The following DST variants were observed in gnomAD, a reference collection of about 807,000 sequenced individuals.
DST encodes the protein bullous pemphigoid antigen.
In DST, 253 loss-of-function variants were observed where a neutral mutation model predicts 875.2. The observed-to-expected ratio is 0.29, with a 90% CI of 0.26 to 0.32. DST has a LOEUF of 0.32. Among genes scored for constraint, DST ranks in the 10% least tolerant of loss-of-function variants. DST has a pLI of 1.00. For missense variants in DST, 8,287 were observed against 9,111.6 expected, an observed-to-expected ratio of 0.91 and a Z score of 3.68; for synonymous variants, 3,124 against 3,197.1, an observed-to-expected ratio of 0.98 and a Z score of 0.77.
Position 56,747,656 on chromosome 6 carries a change from A to G in DST, c.626-12367T>C, listed in dbSNP as rs1214724482. 2.0e-5 allele frequency among the ~76,000 whole-genome samples: 3 copies of G among 152,234 alleles called. No homozygotes were observed. The East Asian group carries it at 5.8e-4, about 29-fold the overall frequency. ...TGTAACATGCTAACCTTAAGAAATTAGACTTTTTTAAAAGGTTTTCACTAT... is the reference window on the plus strand; with the variant it reads ...TGTAACATGCTAACCTTAAGAAATTGGACTTTTTTAAAAGGTTTTCACTAT... On this transcript the variant is annotated intron_variant, in intron 4 of 103. Coordinates refer to ENST00000680361, the MANE Select transcript of DST (RefSeq NM_001374736.1).
At chr6:56,793,378 G>A (rs1458758702) in intron 4 of DST, among the ~76,000 whole-genome samples, 1 of 152,140 alleles carries the variant, frequency 6.6e-6, no homozygotes, top group Non-Finnish European at 1.5e-5. Context: ...AAAAAAAACT[G>A]AGAAAGCACA....
intron 4 of DST, among the ~76,000 whole-genome samples, chr6:56,772,989 T>C (rs1190620965): frequency 2.6e-5 from 4 of 152,112 alleles, no homozygotes; most frequent in African/African-American, 4.8e-5. Flanking sequence ...CATGCTGTCA[T>C]GTGGTGAGCA....
rs2097913423 is a variant in DST, at chr6:56,578,715, C to T, written c.13027+99G>A. 2.4e-6 allele frequency: 3 copies of T among 1,254,892 alleles called. No homozygotes were observed. In the African/African-American group the frequency reaches 4.5e-5, roughly 19 times the overall value. 77.7% of individuals were successfully genotyped at this position (1,254,892 alleles called of 1,614,324 possible). A position where few individuals can be genotyped will look rare whatever the true frequency, so the allele number is the denominator to read the frequency against. On this transcript the variant is annotated intron_variant, in intron 50 of 103. Coordinates refer to ENST00000680361, the MANE Select transcript of DST (RefSeq NM_001374736.1). ...TTTCACAGAGAAAGAGCACATAGAA[C>T]ACAATCTATAACTAGTGAACATTTT...
chr6:56,528,404 G>A (rs2096838527), intron 67 of DST, among the ~76,000 whole-genome samples: 1 of 152,164 alleles, frequency 6.6e-6, no homozygotes, highest in South Asian at 2.1e-4. Flanking sequence ...ACTAAACTAT[G>A]TATCAGTTTT....
At chr6:56,588,435 T>C (rs2098206159) in intron 49 of DST, among the ~76,000 whole-genome samples, 1 of 152,188 alleles carries the variant, frequency 6.6e-6, no homozygotes, top group South Asian at 2.1e-4. Flanking sequence ...CACTCCTAGC[T>C]TTAGTAAGTA....
At chr6:56,633,995 A>T in intron 27 of DST, 137 bp downstream of exon 27, 1 of 1,057,202 alleles carries the variant, frequency 9.5e-7, no homozygotes, top group Non-Finnish European at 1.4e-6. Flanking sequence ...TATAACAAAT[A>T]TTCATTGAAT....
At chr6:56,490,752 A>G (rs1039562504) in intron 85 of DST, among the ~76,000 whole-genome samples, 1 of 152,194 alleles carries the variant, frequency 6.6e-6, no homozygotes, top group African/African-American at 2.4e-5. Flanking sequence ...GTTTGACTCC[A>G]AATAATACAG....
chr6:56,888,098 G>A (rs1047030626), intron 3 of DST, among the ~76,000 whole-genome samples: 5 of 151,736 alleles, frequency 3.3e-5, no homozygotes, highest in Admixed American at 2.6e-4. Flanking sequence ...CTACAGGCAC[G>A]TGCCACCATG....
At chr6:56,461,061 T>C (rs1263001190) in intron 102 of DST, 1 of 152,182 alleles carries the variant, frequency 6.6e-6, no homozygotes, top group Non-Finnish European at 1.5e-5. Context: ...TGTAATATAA[T>C]ATTCCTCAAT....
At chr6:56,658,947 G>GTT (rs1393266644) in intron 10 of DST, among the ~76,000 whole-genome samples, 3 of 152,220 alleles carry the variant, frequency 2.0e-5, no homozygotes, top group Non-Finnish European at 4.4e-5. Flanking sequence ...GGGGAACATG[G>GTT]TAAGACATGG....
intron 48 of DST, among the ~76,000 whole-genome samples, chr6:56,593,059 A>G (rs1359110366): frequency 1.3e-5 from 2 of 152,202 alleles, no homozygotes; most frequent in African/African-American, 2.4e-5. Context: ...GGCTGCAAGC[A>G]TCTGTTTTTG....
At chr6:56,736,114 C>A (rs981860991) in intron 4 of DST, among the ~76,000 whole-genome samples, 1 of 151,852 alleles carries the variant, frequency 6.6e-6, no homozygotes, top group Non-Finnish European at 1.5e-5. Context: ...GGTCTCGAAC[C>A]CCTGACTTCA....
chr6:56,594,885 T>C (rs1239684682), intron 47 of DST, among the ~76,000 whole-genome samples: 5 of 152,218 alleles, frequency 3.3e-5, no homozygotes, highest in East Asian at 1.9e-4. Context: ...GAGCTGGGCA[T>C]GTGCCAGAAA....
chr6:56,474,755 T>C (rs1446421654), intron 92 of DST, among the ~76,000 whole-genome samples: 1 of 151,914 alleles, frequency 6.6e-6, no homozygotes. Context: ...TTTGAAATAT[T>C]TAAGATGGCT....
At chr6:56,470,339 C>T (rs1484960167) in intron 95 of DST, 57 bp from the exon 96 acceptor site, 8 of 1,364,110 alleles carry the variant, frequency 5.9e-6, no homozygotes, top group Non-Finnish European at 7.9e-6. Context: ...TCAAGACATT[C>T]TCAATTGCAC....
chr6:56,796,388 G>C (rs146577988), intron 4 of DST, among the ~76,000 whole-genome samples: 2 of 152,202 alleles, frequency 1.3e-5, no homozygotes, highest in Non-Finnish European at 2.9e-5. Flanking sequence ...AATGAATGTG[G>C]TAACTACATT....
At chr6:56,909,176 G>C (rs1219074888) in intron 2 of DST, among the ~76,000 whole-genome samples, 1 of 152,110 alleles carries the variant, frequency 6.6e-6, no homozygotes, top group Non-Finnish European at 1.5e-5. Context: ...TACCTATGCT[G>C]CTGTCAAAAA....
chr6:56,878,189 A>C (rs1780379747), intron 3 of DST, among the ~76,000 whole-genome samples: 1 of 152,124 alleles, frequency 6.6e-6, no homozygotes, highest in Non-Finnish European at 1.5e-5. Context: ...CCAAGAGGAG[A>C]GATTGTTTTG....
At chr6:56,899,687 A>C (rs1033038482) in intron 3 of DST, among the ~76,000 whole-genome samples, 4 of 152,246 alleles carry the variant, frequency 2.6e-5, no homozygotes, top group Non-Finnish European at 5.9e-5. Context: ...ACAAGTTTTA[A>C]AATGGCATTT....
Sources: allele counts gnomAD v4.1 joint callset (sites outside exome capture counted in the v4.1 genomes callset), GRCh38; gene constraint gnomAD v4.1.1; transcripts MANE v1.5; gene names NCBI Gene and HGNC (gene_info 2026-07-23, HGNC 2026-07-21).